The following MAPK10 variants were observed in gnomAD, a reference collection of about 807,000 sequenced individuals.
MAPK10 encodes mitogen-activated protein kinase 10.
A neutral mutation model predicts 59.3 loss-of-function variants in MAPK10; 25 were observed. The observed-to-expected ratio is 0.42, with a 90% CI of 0.31 to 0.59. The LOEUF (loss-of-function observed/expected upper bound fraction) is 0.59. Among genes scored for constraint, MAPK10 ranks in the 20% least tolerant of loss-of-function variants. MAPK10 has a pLI of 0.15. For missense variants in MAPK10, 351 were observed against 568.9 expected, an observed-to-expected ratio of 0.62 and a Z score of 3.90; for synonymous variants, 190 against 200.5, an observed-to-expected ratio of 0.95 and a Z score of 0.44.
intron 1 of MAPK10, among the ~76,000 whole-genome samples, chr4:86,448,401 G>GT (rs35968542): frequency 0.013 from 1,958 of 147,734 alleles, 29 homozygotes; most frequent in African/African-American, 0.04. Context: ...AGAATTCTGG[G>GT]TTTTTTTTTT....
chr4:86,411,619 C>A (rs1745182376), intron 1 of MAPK10, among the ~76,000 whole-genome samples: 1 of 152,178 alleles, frequency 6.6e-6, no homozygotes, highest in African/African-American at 2.4e-5. Flanking sequence ...ATAGTTAGCT[C>A]TTCTTGTTGA....
intron 1 of MAPK10, among the ~76,000 whole-genome samples, chr4:86,498,755 C>T (rs551093871): frequency 6.6e-6 from 1 of 152,326 alleles, no homozygotes; most frequent in South Asian, 2.1e-4. Flanking sequence ...TTTAAGCTAG[C>T]TACCACTAGA....
At chr4:86,095,964 A>G (rs985835751) in intron 9 of MAPK10, among the ~76,000 whole-genome samples, 1 of 151,770 alleles carries the variant, frequency 6.6e-6, no homozygotes, top group East Asian at 1.9e-4. Context: ...TTTTTTGGTA[A>G]AATTTAACTT....
intron 2 of MAPK10, among the ~76,000 whole-genome samples, chr4:86,324,801 T>G (rs527240500): frequency 4.6e-5 from 7 of 152,210 alleles, no homozygotes; most frequent in Non-Finnish European, 8.8e-5. Context: ...TCCTTGCCTC[T>G]ACTTACAATC....
intron 9 of MAPK10, among the ~76,000 whole-genome samples, chr4:86,085,733 C>T (rs1279152086): frequency 1.3e-5 from 2 of 152,138 alleles, no homozygotes; most frequent in South Asian, 2.1e-4. Flanking sequence ...CTGGCAATCC[C>T]ACTGCTGGGT....
intron 1 of MAPK10, among the ~76,000 whole-genome samples, chr4:86,422,071 T>A (rs1251327717): frequency 1.3e-5 from 2 of 152,188 alleles, no homozygotes; most frequent in Non-Finnish European, 2.9e-5. Context: ...CCCACTGTAT[T>A]ATCTATGGCA....
intron 1 of MAPK10, among the ~76,000 whole-genome samples, chr4:86,533,717 G>C (rs1201684797): frequency 6.6e-6 from 1 of 152,182 alleles, no homozygotes; most frequent in African/African-American, 2.4e-5. Flanking sequence ...ATTCTGAATG[G>C]TATTACCTTA....
chr4:86,063,639 T>C (rs1170567544), intron 11 of MAPK10, among the ~76,000 whole-genome samples: 1 of 152,080 alleles, frequency 6.6e-6, no homozygotes, highest in Non-Finnish European at 1.5e-5. Context: ...GAACAGAAGA[T>C]AGTAAATGGT....
intron 3 of MAPK10, among the ~76,000 whole-genome samples, chr4:86,167,485 C>A (rs139484374): frequency 6.6e-6 from 1 of 152,150 alleles, no homozygotes; most frequent in African/African-American, 2.4e-5. Context: ...TACTGTCAAA[C>A]CTAATCCAGC....
chr4:86,035,756 GAAATA>G (rs1197746994), intron 11 of MAPK10, among the ~76,000 whole-genome samples: 1 of 152,176 alleles, frequency 6.6e-6, no homozygotes, highest in Non-Finnish European at 1.5e-5. Flanking sequence ...GCCATCTAAA[GAAATA>G]GAGAATGGAA....
At chr4:86,490,961 T>C (rs759402661) in intron 1 of MAPK10, among the ~76,000 whole-genome samples, 1 of 152,184 alleles carries the variant, frequency 6.6e-6, no homozygotes, top group Non-Finnish European at 1.5e-5. Context: ...GGATGAGTAA[T>C]ACAGAGTCGC....
At chr4:86,281,314 C>T (rs2094794310) in intron 2 of MAPK10, among the ~76,000 whole-genome samples, 1 of 151,750 alleles carries the variant, frequency 6.6e-6, no homozygotes, top group African/African-American at 2.4e-5. Flanking sequence ...GCCAGGCCAA[C>T]ATGGTGAAAC....
At chr4:86,025,107 C>T (rs1050367109) in intron 13 of MAPK10, 1 of 156,508 alleles carries the variant, frequency 6.4e-6, no homozygotes, top group East Asian at 1.8e-4. Context: ...CTTTTAGTGG[C>T]TTCTTAGAAC....
At chr4:86,055,974 G>C (rs1212040462) in intron 11 of MAPK10, among the ~76,000 whole-genome samples, 1 of 149,916 alleles carries the variant, frequency 6.7e-6, no homozygotes, top group Admixed American at 6.6e-5. Context: ...TGTACCCTGT[G>C]GGGAAAATCA....
chr4:86,543,075 G>T (rs1404886790), intron 1 of MAPK10, among the ~76,000 whole-genome samples: 1 of 152,100 alleles, frequency 6.6e-6, no homozygotes, highest in African/African-American at 2.4e-5. Flanking sequence ...ATTTACTACT[G>T]CTGCTTCAAT....
At chr4:86,489,940 C>G (rs550773762) in intron 1 of MAPK10, among the ~76,000 whole-genome samples, 1 of 152,276 alleles carries the variant, frequency 6.6e-6, no homozygotes, top group East Asian at 1.9e-4. Context: ...AGTCAGTCCC[C>G]CCATCTCCAG....
chr4:86,238,619 G>A (rs1402580000), intron 2 of MAPK10, among the ~76,000 whole-genome samples: 1 of 152,132 alleles, frequency 6.6e-6, no homozygotes, highest in Non-Finnish European at 1.5e-5. Flanking sequence ...TTGTGAATGG[G>A]AGTTCATTCA....
At chr4:86,326,007 A>T (rs2148902130) in intron 2 of MAPK10, 1 of 152,308 alleles carries the variant, frequency 6.6e-6, no homozygotes, top group African/African-American at 2.4e-5. Flanking sequence ...AATAAATGTT[A>T]AGGGCTATAA....
chr4:86,374,031 T>A (rs1397897211), intron 1 of MAPK10, among the ~76,000 whole-genome samples: 1 of 151,814 alleles, frequency 6.6e-6, no homozygotes, highest in Non-Finnish European at 1.5e-5. Flanking sequence ...ACAGACTGGA[T>A]AAAGAAAATG....
Sources: allele counts gnomAD v4.1 joint callset (sites outside exome capture counted in the v4.1 genomes callset), GRCh38; gene constraint gnomAD v4.1.1; transcripts MANE v1.5; gene names NCBI Gene and HGNC (gene_info 2026-07-23, HGNC 2026-07-21).